The following RIMS1 variants were observed in gnomAD, a reference collection of about 807,000 sequenced individuals.
RIMS1 encodes regulating synaptic membrane exocytosis protein 1.
RIMS1 carries 83 observed loss-of-function variants against 214.1 expected under a neutral mutation model. That is an observed-to-expected ratio of 0.39 (90% CI 0.32 to 0.47). The LOEUF (loss-of-function observed/expected upper bound fraction) is 0.47. RIMS1 is among the 20% of genes least tolerant of loss of function. The probability of loss-of-function intolerance (pLI) is 0.99; values close to 1 mark genes in which losing one functional copy is unlikely to be tolerated. For synonymous variants in RIMS1, 793 were observed against 786.8 expected, an observed-to-expected ratio of 1.01 and a Z score of -0.13; for missense variants, 2,050 against 2,161.8, an observed-to-expected ratio of 0.95 and a Z score of 1.03.
At chr6:72,192,083 G>A (rs1181624236) in intron 6 of RIMS1, among the ~76,000 whole-genome samples, 3 of 152,344 alleles carry the variant, frequency 2.0e-5, no homozygotes, top group Admixed American at 1.3e-4. Context: ...AAGTACGTCT[G>A]TGCCAATTAT....
At chr6:71,999,716 A>G (rs1325965126) in intron 2 of RIMS1, among the ~76,000 whole-genome samples, 1 of 152,186 alleles carries the variant, frequency 6.6e-6, no homozygotes, top group East Asian at 1.9e-4. Flanking sequence ...AACGATGTTT[A>G]CTAGTGTGGC....
intron 26 of RIMS1, among the ~76,000 whole-genome samples, chr6:72,298,570 T>C (rs1306619328): frequency 6.6e-6 from 1 of 152,002 alleles, no homozygotes; most frequent in Non-Finnish European, 1.5e-5. Flanking sequence ...CATTTACAAC[T>C]GCAAGGAAGG....
At chr6:71,888,431 TG>T (rs1472565616) in intron 1 of RIMS1, among the ~76,000 whole-genome samples, 1 of 151,250 alleles carries the variant, frequency 6.6e-6, no homozygotes, top group African/African-American at 2.4e-5. Context: ...AAAAGAGGGG[TG>T]GGGAGGGAGC....
intron 4 of RIMS1, among the ~76,000 whole-genome samples, chr6:72,130,509 G>A (rs891112278): frequency 6.6e-6 from 1 of 152,120 alleles, no homozygotes; most frequent in Non-Finnish European, 1.5e-5. Context: ...AGGTCATAAT[G>A]AGGGATAATC....
intron 29 of RIMS1, among the ~76,000 whole-genome samples, chr6:72,386,877 G>T (rs1309009578): frequency 6.6e-6 from 1 of 151,634 alleles, no homozygotes; most frequent in Non-Finnish European, 1.5e-5. Context: ...GGGACTACAG[G>T]CGCCCGCCAC....
rs188770752 is a variant in RIMS1 at position 72,393,706 on chromosome 6, G to A, written c.4618+896G>A. On this transcript the variant is annotated intron_variant, in intron 31 of 33. Transcript: ENST00000521978. The stretch of plus-strand genomic sequence containing the variant: ...CAGGGCACTGCACTCCAGCCTGGGC[G>A]ACAGAGCGAGACTCCGTCTCCAAGA... Among the ~76,000 whole-genome samples the A allele has an allele frequency of 3.5e-3, 532 of 151,780 alleles. 5 individuals carry two copies. The highest frequency in any genetic ancestry group is 0.013 in the African/African-American group (519 of 41,396).
At chr6:71,990,929 T>C (rs143365322) in intron 2 of RIMS1, among the ~76,000 whole-genome samples, 255 of 152,306 alleles carry the variant, frequency 1.7e-3, no homozygotes, top group African/African-American at 5.4e-3. Flanking sequence ...TAAGGCTTCA[T>C]AAAATATATT....
chr6:72,290,892 TGTCCTGCCTCCGG>T (rs1459100912), intron 25 of RIMS1, 31 bp downstream of exon 25: 12 of 1,604,316 alleles, frequency 7.5e-6, no homozygotes, highest in Non-Finnish European at 1.0e-5. Context: ...TCAGCATTCA[TGTCCTGCCTCCGG>T]GTGTTGGTGT....
chr6:72,093,509 A>G (rs1242007993), intron 2 of RIMS1, among the ~76,000 whole-genome samples: 1 of 151,136 alleles, frequency 6.6e-6, no homozygotes, highest in Admixed American at 6.6e-5. Context: ...TCTTTTTTCT[A>G]TCCTTTTATT....
chr6:72,079,753 G>T (rs1481256822), intron 2 of RIMS1, among the ~76,000 whole-genome samples: 1 of 151,038 alleles, frequency 6.6e-6, no homozygotes, highest in East Asian at 2.0e-4. Flanking sequence ...GGCATGGTGG[G>T]GCGTGCTTGT....
Position 72,400,900 on chromosome 6 carries a change from T to G in RIMS1, c.*186T>G, listed in dbSNP as rs2098831367. Reference sequence around the variant, plus strand: ...GGCTTCATATGACAGAACAAGGCAATCTATCAAATTTACAGGAAGAATCAA... The same window carrying G: ...GGCTTCATATGACAGAACAAGGCAAGCTATCAAATTTACAGGAAGAATCAA... On this transcript the variant is annotated 3_prime_UTR_variant, in exon 34 of 34. Transcript: ENST00000521978. 2 of 552,420 alleles carry G rather than the reference T, an allele frequency of 3.6e-6. No individual in the cohort carries two copies. Among genetic ancestry groups the G allele is most frequent in the African/African-American group, 1.9e-5 (1 of 53,244 alleles). The allele number at this position is 552,420 out of a possible 1,614,324, so 34.2% of individuals were successfully genotyped here. A position where few individuals can be genotyped will look rare whatever the true frequency, so the allele number is the denominator to read the frequency against.
chr6:72,181,739 A>C (rs1170625948), intron 5 of RIMS1, among the ~76,000 whole-genome samples: 1 of 152,218 alleles, frequency 6.6e-6, no homozygotes, highest in South Asian at 2.1e-4. Flanking sequence ...AGATTGAAAG[A>C]GACACTGTTT....
At chr6:72,103,804 T>C (rs1204665680) in intron 4 of RIMS1, among the ~76,000 whole-genome samples, 2 of 152,270 alleles carry the variant, frequency 1.3e-5, no homozygotes, top group East Asian at 1.9e-4. Flanking sequence ...TCAATGTTTG[T>C]TATTGTCTTT....
intron 4 of RIMS1, among the ~76,000 whole-genome samples, chr6:72,110,683 A>G (rs2035887250): frequency 6.6e-6 from 1 of 151,450 alleles, no homozygotes. Context: ...TCCTAATTGA[A>G]TACCCTTTAT....
At chr6:72,242,523 T>G in intron 10 of RIMS1, 86 bp downstream of exon 10, 1 of 940,148 alleles carries the variant, frequency 1.1e-6, no homozygotes, top group Non-Finnish European at 1.6e-6. Flanking sequence ...ATTCATACAG[T>G]ACATGTTAAC....
chr6:72,238,339 T>G (rs554816682), intron 9 of RIMS1, among the ~76,000 whole-genome samples: 1 of 152,232 alleles, frequency 6.6e-6, no homozygotes, highest in East Asian at 1.9e-4. Context: ...ACCAAATTTT[T>G]TTCAGAGTGG....
chr6:71,906,303 A>T (rs1330775973), intron 1 of RIMS1, among the ~76,000 whole-genome samples: 4 of 152,170 alleles, frequency 2.6e-5, no homozygotes, highest in African/African-American at 9.6e-5. Context: ...CTCCTCTCAG[A>T]GTACAGTATG....
chr6:72,335,942 T>C (rs1040700043), intron 29 of RIMS1, among the ~76,000 whole-genome samples: 2 of 151,962 alleles, frequency 1.3e-5, no homozygotes, highest in African/African-American at 4.8e-5. Flanking sequence ...TGTAAATTTG[T>C]TTAAGTTCTT....
chr6:72,213,245 C>A, intron 6 of RIMS1: 1 of 1,524,480 alleles, frequency 6.6e-7, no homozygotes, highest in Admixed American at 2.0e-5. Context: ...TAATGGTAAT[C>A]CCACTTCATT....
Sources: allele counts gnomAD v4.1 joint callset (sites outside exome capture counted in the v4.1 genomes callset), GRCh38; gene constraint gnomAD v4.1.1; transcripts MANE v1.5; gene names NCBI Gene and HGNC (gene_info 2026-07-23, HGNC 2026-07-21).